Variants in IFNAR2 observed in about 807,000 individuals in gnomAD.
The protein encoded by IFNAR2 is interferon alpha/beta receptor 2.
A neutral mutation model predicts 49.4 loss-of-function variants in IFNAR2; 30 were observed. That is an observed-to-expected ratio of 0.61 (90% CI 0.45 to 0.82). The LOEUF (loss-of-function observed/expected upper bound fraction) is 0.82. Among genes scored for constraint, IFNAR2 ranks in the 40% least tolerant of loss-of-function variants. IFNAR2 has a pLI of 0.00. For missense variants in IFNAR2, 600 were observed against 622.7 expected (o/e 0.96, Z 0.39); for synonymous variants, 224 against 234.5 (o/e 0.96, Z 0.41).
chr21:33,251,089 C>T (rs1987805333), intron 6 of IFNAR2, among the ~76,000 whole-genome samples: 1 of 151,988 alleles, frequency 6.6e-6, no homozygotes, highest in South Asian at 2.1e-4. Flanking sequence ...TGTTGAATGC[C>T]CTAAGACCAG....
rs1251152130 is a variant in IFNAR2 at position 33,241,830 on chromosome 21, A to G, written c.-83-10A>G. The G allele has an allele frequency of 1.9e-6, 3 of 1,569,808 alleles. No homozygotes were observed. The highest frequency in any genetic ancestry group is 2.3e-5 in the East Asian group (1 of 43,526). On this transcript the variant is annotated splice_polypyrimidine_tract_variant and intron_variant, in intron 1 of 8. Transcript: ENST00000342136. ...TTATCTTGTCTTTGCTCCCATTTTT[A>G]TATTTGCAGTTTAATTAGACACTTC... is the stretch of plus-strand genomic sequence containing the variant.
Position 33,252,693 on chromosome 21 carries a change from G to A in IFNAR2, c.572G>A (p.Gly191Glu). 1 of 1,613,534 alleles carries A rather than the reference G, an allele frequency of 6.2e-7. No individual in the cohort carries two copies. The highest frequency in any genetic ancestry group is 1.1e-5 in the South Asian group (1 of 90,832). Residue 191 changes from glycine to glutamate, a missense_variant, in exon 7 of 9, where the codon GGA becomes GAA. Gly to Glu is a moderately conservative substitution (Grantham distance 98, BLOSUM62 -2). Transcript: ENST00000342136. ...CCCGAAATAAAAGGAAACATGAGTG[G>A]AAATTTCACCTATATCATTGACAAG... ...HKPEIKGNMS[G>E]NFTYIIDKLI...
At position 33,262,986 on chromosome 21, in the gene IFNAR2, G is replaced by T; in HGVS notation, c.1034G>T (p.Arg345Met). ...TATACCATGCATGGACTGACTGTCA[G>T]GCCTCTGGGTCAGGCCTCTGCCACC... ...GGYTMHGLTVRPLGQASATST... is the reference protein window; with the variant it reads ...GGYTMHGLTVMPLGQASATST... The change falls in exon 9 of 9, where the codon AGG becomes ATG. Residue 345 changes from arginine to methionine, a missense_variant. Physicochemically the swap from Arg to Met is moderately conservative, Grantham distance 91 (BLOSUM62 -1). Transcript: ENST00000342136. The T allele has an allele frequency of 6.2e-7, 1 of 1,614,162 alleles. No individual in the cohort carries two copies.
rs895598511 is a variant in IFNAR2 at position 33,229,949 on chromosome 21, C to A, written c.-351C>A. ...GCGCCCGCGCTTCCGTATCGCTCCT[C>A]GTAGGCCGGGGCTCGGCGCGCGCAC... is the stretch of plus-strand genomic sequence containing the variant. On this transcript the variant is annotated 5_prime_UTR_variant, in exon 1 of 9. Coordinates refer to ENST00000342136, the MANE Select transcript of IFNAR2 (RefSeq NM_001289125.3). The A allele has an allele frequency of 1.0e-6, 1 of 983,842 alleles. No homozygotes were observed. The highest frequency in any genetic ancestry group is 6.2e-5 in the Admixed American group (1 of 16,146). 60.9% of individuals were successfully genotyped at this position (983,842 alleles called of 1,614,324 possible). A position where few individuals can be genotyped will look rare whatever the true frequency, so the allele number is the denominator to read the frequency against.
At chr21:33,232,432 T>C (rs13052526) in intron 1 of IFNAR2, among the ~76,000 whole-genome samples, 17,640 of 151,796 alleles carry the variant, frequency 0.12, 1,395 homozygotes, top group Non-Finnish European at 0.18. Context: ...CCACTGAAAA[T>C]TTTCTCTGGC....
chr21:33,263,856 T>A lies in IFNAR2; in HGVS notation c.*356T>A. On this transcript the variant is annotated 3_prime_UTR_variant, in exon 9 of 9. Transcript: ENST00000342136. ...TATGATATTTCTCTTCTTTCGTTCT[T>A]TTTTTTTTTTTTTTTTGAGACAGAG... The A allele has an allele frequency of 3.7e-5, 1 of 27,110 alleles. No homozygotes were observed. The highest frequency in any genetic ancestry group is 8.5e-5 in the Non-Finnish European group (1 of 11,792). 1.7% of individuals were successfully genotyped at this position (27,110 alleles called of 1,614,324 possible). A position where few individuals can be genotyped will look rare whatever the true frequency, so the allele number is the denominator to read the frequency against.
chr21:33,260,714 T>C lies in IFNAR2; in HGVS notation c.827T>C (p.Leu276Pro). ...WIGYICLRNS[L>P]PKVLNFHNFL... is the part of the protein sequence containing the mutation. ...GGTTATATATGCTTAAGAAATAGCCTCCCCAAAGTCTTGGTAGGTAGTTTT... is the reference window on the plus strand; with the variant it reads ...GGTTATATATGCTTAAGAAATAGCCCCCCCAAAGTCTTGGTAGGTAGTTTT... Residue 276 changes from leucine (L) to proline (P), a missense_variant, in exon 8 of 9, where the codon CTC (leucine) becomes CCC (proline). Physicochemically the swap from Leu to Pro is moderately conservative, Grantham distance 98. Transcript: ENST00000342136. The C allele has an allele frequency of 6.6e-7, 1 of 1,521,850 alleles. No individual in the cohort carries two copies. Among genetic ancestry groups the C allele is most frequent in the Non-Finnish European group, 8.8e-7 (1 of 1,139,478 alleles). The allele number at this position is 1,521,850 out of a possible 1,614,324, so 94.3% of individuals were successfully genotyped here.
intron 4 of IFNAR2, among the ~76,000 whole-genome samples, chr21:33,246,470 T>G (rs1393746844): frequency 1.3e-5 from 2 of 152,066 alleles, no homozygotes; most frequent in Non-Finnish European, 1.5e-5. Flanking sequence ...AATGGAGACA[T>G]CAGTAAACAA....
At chr21:33,233,201 G>C (rs1023266725) in intron 1 of IFNAR2, among the ~76,000 whole-genome samples, 6 of 152,106 alleles carry the variant, frequency 3.9e-5, no homozygotes, top group African/African-American at 9.7e-5. Context: ...CAATACTGCT[G>C]AAAATAAAAG....
Position 33,263,170 on chromosome 21 carries a change from T to C in IFNAR2, c.1218T>C (p.Phe406=). The C allele has an allele frequency of 6.2e-7, 1 of 1,614,108 alleles. No homozygotes were observed. Among genetic ancestry groups the C allele is most frequent in the Non-Finnish European group, 8.5e-7 (1 of 1,179,992 alleles). ...GAAAGAGTCCACTCCAGGACCCTTT[T>C]CCCGAAGAGGACTACAGCTCCACGG... ...ERRKSPLQDP[F]PEEDYSSTEG... Residue 406 remains phenylalanine, a synonymous_variant, in exon 9 of 9, where the codon TTT becomes TTC. Coordinates refer to ENST00000342136, the MANE Select transcript of IFNAR2 (RefSeq NM_001289125.3).
chr21:33,238,101 A>G (rs1376978059), intron 1 of IFNAR2, among the ~76,000 whole-genome samples: 1 of 152,114 alleles, frequency 6.6e-6, no homozygotes, highest in Non-Finnish European at 1.5e-5. Flanking sequence ...CTTATCATCA[A>G]ACATCTCGGC....
chr21:33,248,442 G>C (rs7277142), intron 5 of IFNAR2, among the ~76,000 whole-genome samples: 7,150 of 151,822 alleles, frequency 0.047, 246 homozygotes, highest in African/African-American at 0.086. Flanking sequence ...AAATTATTAA[G>C]GACAAATGCA....
chr21:33,251,461 AC>A (rs1268049902), intron 6 of IFNAR2: 1 of 673,332 alleles, frequency 1.5e-6, no homozygotes, highest in African/African-American at 2.0e-5. Flanking sequence ...AAAATTGGAG[AC>A]AGTGAAGAGA....
At chr21:33,246,996 G>T (rs1987471788) in intron 5 of IFNAR2, 106 bp downstream of exon 5, 1 of 892,314 alleles carries the variant, frequency 1.1e-6, no homozygotes, top group Non-Finnish European at 1.7e-6. Context: ...ACCTGGGGCT[G>T]GGCTCACCTC....
intron 1 of IFNAR2, among the ~76,000 whole-genome samples, chr21:33,232,349 G>T (rs865882731): frequency 1.3e-5 from 2 of 152,086 alleles, no homozygotes; most frequent in Admixed American, 6.5e-5. Flanking sequence ...GAGGTTGGCT[G>T]ACTTAGAGGT....
chr21:33,262,156 G>A (rs918946365), intron 8 of IFNAR2, among the ~76,000 whole-genome samples: 3 of 152,060 alleles, frequency 2.0e-5, no homozygotes, highest in Non-Finnish European at 4.4e-5. Context: ...CACGAGGTCG[G>A]GAGTTCAAGA....
chr21:33,229,948 T>A lies in IFNAR2; in HGVS notation c.-352T>A, dbSNP rs1345841546. ...GGCGCCCGCGCTTCCGTATCGCTCC[T>A]CGTAGGCCGGGGCTCGGCGCGCGCA... On this transcript the variant is annotated 5_prime_UTR_variant, in exon 1 of 9. Coordinates refer to ENST00000342136, the MANE Select transcript of IFNAR2 (RefSeq NM_001289125.3). The A allele has an allele frequency of 4.1e-6, 4 of 983,310 alleles. No homozygotes were observed. In the East Asian group the frequency reaches 3.4e-4, roughly 84 times the overall value. 60.9% of individuals were successfully genotyped at this position (983,310 alleles called of 1,614,324 possible).
rs1985956619 is a variant in IFNAR2, at chr21:33,230,407, C to T, written c.-84+191C>T. 2 of 490,364 alleles carry T rather than the reference C, an allele frequency of 4.1e-6. No individual in the cohort carries two copies. The highest frequency in any genetic ancestry group is 1.8e-5 in the South Asian group (1 of 56,668). The allele number at this position is 490,364 out of a possible 1,614,324, so 30.4% of individuals were successfully genotyped here. On this transcript the variant is annotated intron_variant, in intron 1 of 8. Coordinates refer to ENST00000342136, the MANE Select transcript of IFNAR2 (RefSeq NM_001289125.3). This position sits in a 1 kb window ranked among gnomAD's most constrained non-coding sequence, Gnocchi z 5.5. ...AGTGCGCCCTTCCTCTCTCCCGGGG[C>T]CGCACCTGCGACCCCAGGACCCCTC...
In IFNAR2 at chr21:33,230,204, G is replaced by A. The variant is rs1985934221; in HGVS notation, c.-96G>A. 9.6e-7 allele frequency: 1 copy of A among 1,038,140 alleles called. No homozygotes were observed. Among genetic ancestry groups the A allele is most frequent in the South Asian group, 2.7e-5 (1 of 36,442 alleles). The allele number at this position is 1,038,140 out of a possible 1,614,324, so 64.3% of individuals were successfully genotyped here. Reference sequence around the variant, plus strand: ...TAGCATCTCTCGGGAGCCGCAAGGCGAGAGCTGCAAAGGTAACGCAGCGTG... The same window carrying A: ...TAGCATCTCTCGGGAGCCGCAAGGCAAGAGCTGCAAAGGTAACGCAGCGTG... On this transcript the variant is annotated 5_prime_UTR_variant, in exon 1 of 9. Transcript: ENST00000342136. The surrounding 1 kb of genome is among the most constrained non-coding windows in gnomAD (Gnocchi z 5.5).
Sources: gnomAD v4.1 joint callset for allele counts (sites outside exome capture counted in the v4.1 genomes callset) on GRCh38, gnomAD v4.1.1 for gene constraint, Gnocchi (gnomAD v3.1) non-coding constraint, MANE v1.5 for transcripts, NCBI Gene and HGNC (gene_info 2026-07-23, HGNC 2026-07-21) for gene names.